CHMP7: variants seen among roughly 807,000 people sequenced by gnomAD.
CHMP7 encodes the protein charged multivesicular body protein 7, also known as CHMP family, member 7.
Under a neutral mutation model 53.7 loss-of-function variants are expected in CHMP7, and 15 were observed. That is an observed-to-expected ratio of 0.28 (90% CI 0.19 to 0.43). The LOEUF is 0.43. Ranked by LOEUF, CHMP7 falls within the 20% of genes least tolerant of loss-of-function variation. The pLI, the probability that CHMP7 is intolerant of heterozygous loss-of-function variation, is 1.00. For missense variants in CHMP7, 527 were observed against 569.4 expected (o/e 0.93, Z 0.76); for synonymous variants, 261 against 228.0 (o/e 1.14, Z -1.30).
intron 9 of CHMP7, among the ~76,000 whole-genome samples, chr8:23,259,345 T>C (rs1403772359): frequency 6.7e-6 from 1 of 150,114 alleles, no homozygotes; most frequent in African/African-American, 2.4e-5. Context: ...ATTTTTTGTA[T>C]TTTTAGTAGA....
chr8:23,244,966 A>G (rs1268420417), intron 1 of CHMP7, among the ~76,000 whole-genome samples: 1 of 152,184 alleles, frequency 6.6e-6, no homozygotes, highest in Non-Finnish European at 1.5e-5. Context: ...ATTGACTTTT[A>G]TACATTAACT....
At chr8:23,247,831 G>A (rs1801767647) in intron 2 of CHMP7, among the ~76,000 whole-genome samples, 1 of 151,924 alleles carries the variant, frequency 6.6e-6, no homozygotes, top group African/African-American at 2.4e-5. Context: ...GCACTTCAGT[G>A]TACTTATCAT....
intron 1 of CHMP7, among the ~76,000 whole-genome samples, chr8:23,244,294 A>G (rs914608182): frequency 6.6e-6 from 1 of 152,198 alleles, no homozygotes; most frequent in Non-Finnish European, 1.5e-5. Flanking sequence ...ATTTAAGTCC[A>G]TGATCCATTT....
intron 9 of CHMP7, chr8:23,259,943 C>T: frequency 1.7e-6 from 1 of 571,666 alleles, no homozygotes; most frequent in Non-Finnish European, 3.1e-6. Context: ...CAGAATACAC[C>T]TCCTTGGTGA....
At chr8:23,252,770 A>G (rs1585309155) in intron 3 of CHMP7, among the ~76,000 whole-genome samples, 10 of 152,152 alleles carry the variant, frequency 6.6e-5, no homozygotes, top group Admixed American at 6.5e-4. Flanking sequence ...ATTTCCTTCA[A>G]TACTTATTTT....
chr8:23,246,383 G>C lies in CHMP7; in HGVS notation c.-313G>C, dbSNP rs1801681563. 2 of 381,968 alleles carry C rather than the reference G, an allele frequency of 5.2e-6. No individual in the cohort carries two copies. Among genetic ancestry groups the C allele is most frequent in the Non-Finnish European group, 9.6e-6 (2 of 207,742 alleles). The allele number at this position is 381,968 out of a possible 1,614,324, so 23.7% of individuals were successfully genotyped here. Reference sequence around the variant, plus strand: ...ACGCTTTGCCGAACTCCAGAATCTTGAAGGAGACGTAAGGTGCAGCCACCT... The same window carrying C: ...ACGCTTTGCCGAACTCCAGAATCTTCAAGGAGACGTAAGGTGCAGCCACCT... On this transcript the variant is annotated 5_prime_UTR_variant, in exon 2 of 11. Transcript: ENST00000397677.
chr8:23,253,175 G>T (rs765760100), intron 3 of CHMP7, among the ~76,000 whole-genome samples: 2 of 152,188 alleles, frequency 1.3e-5, no homozygotes, highest in Non-Finnish European at 2.9e-5. Flanking sequence ...CTGTGGATAT[G>T]CTGAGGACTT....
chr8:23,256,651 C>T, intron 5 of CHMP7, 58 bp downstream of exon 5: 1 of 1,427,322 alleles, frequency 7.0e-7, no homozygotes. Context: ...CCAGAGCCAG[C>T]AAAATGTTAG....
chr8:23,248,148 G>A (rs1272785457), intron 2 of CHMP7: 2 of 455,986 alleles, frequency 4.4e-6, no homozygotes, highest in African/African-American at 2.0e-5. Context: ...AGTGGAAACC[G>A]TTTTCGTTCA....
At position 23,258,409 on chromosome 8, in the gene CHMP7, G is replaced by T. The variant is rs747159404; in HGVS notation, c.920G>T (p.Gly307Val). The change falls in exon 7 of 11, where the codon GGC becomes GTC. Residue 307 changes from glycine (G) to valine (V), a missense_variant. Gly to Val is a moderately radical substitution (Grantham distance 109). Transcript: ENST00000397677. ...ALHAKLDTVQ[G>V]ILDRIYASQT... is the part of the protein sequence containing the mutation. Reference sequence around the variant, plus strand: ...CATGCCAAGCTGGACACTGTTCAAGGCATCCTGGACCGGATCTATGCCTCC... The same window carrying T: ...CATGCCAAGCTGGACACTGTTCAAGTCATCCTGGACCGGATCTATGCCTCC... 6.2e-7 allele frequency: 1 copy of T among 1,614,076 alleles called. No individual in the cohort carries two copies. The highest frequency in any genetic ancestry group is 1.1e-5 in the South Asian group (1 of 91,084).
chr8:23,244,156 T>A (rs1264621918), intron 1 of CHMP7, among the ~76,000 whole-genome samples: 5 of 152,254 alleles, frequency 3.3e-5, no homozygotes, highest in African/African-American at 9.6e-5. Flanking sequence ...TAATAATAAT[T>A]ACGTCTAATT....
intron 1 of CHMP7, among the ~76,000 whole-genome samples, chr8:23,245,161 A>G (rs1482481462): frequency 2.0e-5 from 3 of 152,320 alleles, no homozygotes; most frequent in East Asian, 3.9e-4. Flanking sequence ...GATTTCCCGT[A>G]CAGTGTTGAC....
At position 23,258,778 on chromosome 8, in the gene CHMP7, T is replaced by A. The variant is rs771432263; in HGVS notation, c.1007T>A (p.Met336Lys). Residue 336 changes from methionine to lysine, a missense_variant, in exon 8 of 11, where the codon ATG becomes AAG. Physicochemically the swap from Met to Lys is moderately conservative, Grantham distance 95. Transcript: ENST00000397677. ...GGGGTAGGAGCACTCAAACTCTCCA[T>A]GAAGGATGTCACAGTGGAGAAGGCA... is the stretch of plus-strand genomic sequence containing the variant. The part of the protein sequence containing the change: ...QAGVGALKLS[M>K]KDVTVEKAES... 6.2e-7 allele frequency: 1 copy of A among 1,613,872 alleles called. No homozygotes were observed. Among genetic ancestry groups the A allele is most frequent in the South Asian group, 1.1e-5 (1 of 91,060 alleles).
chr8:23,260,137 T>A lies in CHMP7; in HGVS notation c.1121-7T>A, dbSNP rs1411232592. On this transcript the variant is annotated splice_region_variant and splice_polypyrimidine_tract_variant and intron_variant, in intron 9 of 10. Transcript: ENST00000397677. ...TTATGCATCTTTATGTTGTCTTTTC[T>A]TTCCAGATTTTGACAGTGAAGAACT... 6.2e-7 allele frequency: 1 copy of A among 1,612,920 alleles called. No homozygotes were observed. The highest frequency in any genetic ancestry group is 8.5e-7 in the Non-Finnish European group (1 of 1,178,982).
intron 2 of CHMP7, among the ~76,000 whole-genome samples, 194 bp from the exon 3 acceptor site, chr8:23,249,016 C>A (rs1403759822): frequency 1.3e-5 from 2 of 152,154 alleles, no homozygotes; most frequent in Non-Finnish European, 2.9e-5. Flanking sequence ...AATACCGCCT[C>A]CCATGCAGAA....
rs1223889949 is a variant in CHMP7 at position 23,255,125 on chromosome 8, G to A, written c.472-122G>A. The A allele has an allele frequency of 6.3e-6, 6 of 946,746 alleles. No individual in the cohort carries two copies. The African/African-American group carries it at 8.1e-5, about 13-fold the overall frequency. The allele number at this position is 946,746 out of a possible 1,614,324, so 58.6% of individuals were successfully genotyped here. A position where few individuals can be genotyped will look rare whatever the true frequency, so the allele number is the denominator to read the frequency against. ...TTTTGAAAAGCCGCTACTTTGGGGAGGATGGGGTTGGGATTCCCGGGTGCT... is the reference window on the plus strand; with the variant it reads ...TTTTGAAAAGCCGCTACTTTGGGGAAGATGGGGTTGGGATTCCCGGGTGCT... On this transcript the variant is annotated intron_variant, in intron 3 of 10. Coordinates refer to ENST00000397677, the MANE Select transcript of CHMP7 (RefSeq NM_152272.5).
chr8:23,258,505 C>T (rs1447616382), intron 7 of CHMP7, 56 bp downstream of exon 7: 1 of 1,603,180 alleles, frequency 6.2e-7, no homozygotes, highest in Non-Finnish European at 8.5e-7. Context: ...GTGTTGGTCA[C>T]TTGCAGCTTC....
intron 3 of CHMP7, among the ~76,000 whole-genome samples, chr8:23,252,190 G>T (rs1585308252): frequency 9.5e-5 from 6 of 63,218 alleles, no homozygotes; most frequent in East Asian, 4.9e-4. Context: ...TTTGTATTGT[G>T]TTATCTTTTT....
chr8:23,258,376 A>G lies in CHMP7; in HGVS notation c.887A>G (p.Glu296Gly). The G allele has an allele frequency of 6.2e-7, 1 of 1,614,182 alleles. No homozygotes were observed. The highest frequency in any genetic ancestry group is 8.5e-7 in the Non-Finnish European group (1 of 1,180,036). The change falls in exon 7 of 11, where the codon GAG (glutamate) becomes GGG (glycine). Residue 296 changes from glutamate (E) to glycine (G), a missense_variant. Transcript: ENST00000397677. ...AAGCAACGGACAGAGAAGCGCATCG[A>G]GGCCTTGCATGCCAAGCTGGACACT... ...KAKQRTEKRI[E>G]ALHAKLDTVQ...
Sources: allele counts gnomAD v4.1 joint callset (sites outside exome capture counted in the v4.1 genomes callset), GRCh38; gene constraint gnomAD v4.1.1; transcripts MANE v1.5; gene names NCBI Gene and HGNC (gene_info 2026-07-23, HGNC 2026-07-21).